XRN1: variants seen among roughly 807,000 people sequenced by gnomAD.
XRN1 encodes strand-exchange protein 1 homolog.
Under a neutral mutation model 222.3 loss-of-function variants are expected in XRN1, and 67 were observed. The ratio of observed to expected loss-of-function variants is 0.30; its 90% CI spans 0.25 to 0.37. The LOEUF (loss-of-function observed/expected upper bound fraction) is 0.37, where lower values mean the gene tolerates loss of function less well. Among genes scored for constraint, XRN1 ranks in the 10% least tolerant of loss-of-function variants. The pLI is 1.00. For missense variants in XRN1, 1,707 were observed against 2,000.2 expected (o/e 0.85, Z 2.80); for synonymous variants, 643 against 652.4 (o/e 0.99, Z 0.22).
At chr3:142,434,602 A>T (rs184297085) in intron 1 of XRN1, among the ~76,000 whole-genome samples, 9 of 151,778 alleles carry the variant, frequency 5.9e-5, no homozygotes, top group Admixed American at 2.0e-4. Context: ...AAGAGTATTA[A>T]AAAGAAGAAT....
chr3:142,366,286 C>T lies in XRN1; in HGVS notation c.3205-920G>A, dbSNP rs190881611. Among the ~76,000 whole-genome samples the T allele has an allele frequency of 1.1e-4, 16 of 152,290 alleles. No homozygotes were observed. The East Asian group carries it at 3.1e-3, about 29-fold the overall frequency. The stretch of plus-strand genomic sequence containing the variant: ...ATATGGCAGTCACCTCTCTTTAGAA[C>T]ATAGCTTATGGGAATATGTACAAAA... On this transcript the variant is annotated intron_variant, in intron 27 of 40. Coordinates refer to ENST00000392981, the MANE Select transcript of XRN1 (RefSeq NM_001282857.2).
At chr3:142,390,650 G>T (rs1213429730) in intron 20 of XRN1, among the ~76,000 whole-genome samples, 1 of 152,156 alleles carries the variant, frequency 6.6e-6, no homozygotes, top group African/African-American at 2.4e-5. Context: ...TAGCAATAAG[G>T]TTGTTTAATT....
At chr3:142,355,871 CCT>C (rs1475195684) in intron 31 of XRN1, among the ~76,000 whole-genome samples, 30 of 152,064 alleles carry the variant, frequency 2.0e-4, no homozygotes, top group Non-Finnish European at 5.9e-5. Context: ...CCTGCCTTAG[CCT>C]CCCAGAGTGT....
At position 142,403,924 on chromosome 3, in the gene XRN1, T is replaced by G; in HGVS notation, c.1949A>C (p.Asp650Ala). The G allele has an allele frequency of 6.2e-7, 1 of 1,612,434 alleles. No homozygotes were observed. The change falls in exon 17 of 41, where the codon GAC becomes GCC. Residue 650 changes from aspartate (D) to alanine (A), a missense_variant. Asp to Ala is a moderately radical substitution (Grantham distance 126). This residue lies in a region of XRN1 where 1,234 missense variants were observed against 1,518.2 expected (regional missense o/e 0.81). Coordinates refer to ENST00000392981, the MANE Select transcript of XRN1 (RefSeq NM_001282857.2). ...DINKNKITRI[D>A]QKALYFCGFP... ...TCCACAGAAATATAATGCTTTCTGGTCAATTCTGGTTATTTTGTTTTTGTT... is the reference window on the plus strand; with the variant it reads ...TCCACAGAAATATAATGCTTTCTGGGCAATTCTGGTTATTTTGTTTTTGTT...
In XRN1 at chr3:142,404,928, G is replaced by T. The variant is rs1193410216; in HGVS notation, c.1862C>A (p.Ala621Asp). The change falls in exon 16 of 41, where the codon GCC becomes GAC. Residue 621 changes from alanine to aspartate, a missense_variant. Ala to Asp is a moderately radical substitution (Grantham distance 126). This residue lies in a region of XRN1 where 1,234 missense variants were observed against 1,518.2 expected (regional missense o/e 0.81). Transcript: ENST00000392981. Reference protein sequence around the residue: ...YPSPWPEKFPAIERCCTRYKI... With the variant: ...YPSPWPEKFPDIERCCTRYKI... ...TTACCTTGTACAACATCGTTCTATGGCAGGGAACTTTTCTGGCCATGGAGA... is the reference window on the plus strand; with the variant it reads ...TTACCTTGTACAACATCGTTCTATGTCAGGGAACTTTTCTGGCCATGGAGA... 2 of 1,613,804 alleles carry T rather than the reference G, an allele frequency of 1.2e-6. No homozygotes were observed.
intron 33 of XRN1, among the ~76,000 whole-genome samples, chr3:142,339,736 G>A (rs1159993604): frequency 6.6e-6 from 1 of 151,966 alleles, no homozygotes; most frequent in African/African-American, 2.4e-5. Flanking sequence ...CCAAGCGGTT[G>A]AGCCTGCAGT....
chr3:142,337,613 A>G (rs1401680012), intron 33 of XRN1, among the ~76,000 whole-genome samples: 2 of 152,222 alleles, frequency 1.3e-5, no homozygotes, highest in Non-Finnish European at 2.9e-5. Context: ...CTGTGCCTGA[A>G]CACAGTAGAC....
chr3:142,317,134 C>A (rs1404198571), intron 39 of XRN1, among the ~76,000 whole-genome samples: 1 of 152,172 alleles, frequency 6.6e-6, no homozygotes, highest in Non-Finnish European at 1.5e-5. Flanking sequence ...CTTAGGACCA[C>A]CTTTTTATCA....
intron 27 of XRN1, 59 bp downstream of exon 27, chr3:142,370,426 A>ATGG: frequency 6.6e-7 from 1 of 1,523,814 alleles, no homozygotes; most frequent in Non-Finnish European, 8.8e-7. Context: ...ATTATTTGTA[A>ATGG]AGTATAGTCC....
chr3:142,312,023 A>C (rs2107842460), intron 40 of XRN1, among the ~76,000 whole-genome samples: 1 of 152,302 alleles, frequency 6.6e-6, no homozygotes, highest in East Asian at 1.9e-4. Context: ...GCAGTGGCTC[A>C]CAACTGTAAT....
chr3:142,378,049 CT>C (rs1163508569), intron 23 of XRN1, among the ~76,000 whole-genome samples: 1 of 151,952 alleles, frequency 6.6e-6, no homozygotes, highest in Non-Finnish European at 1.5e-5. Flanking sequence ...GGATATAAAG[CT>C]TTATATTTTA....
At chr3:142,397,489 C>A (rs773517647) in intron 19 of XRN1, 29 bp from the exon 20 acceptor site, 1 of 1,547,386 alleles carries the variant, frequency 6.5e-7, no homozygotes, top group Admixed American at 2.0e-5. Context: ...AATTATATAA[C>A]CAAAATGTTC....
intron 36 of XRN1, among the ~76,000 whole-genome samples, chr3:142,330,242 T>C (rs148000862): frequency 3.4e-4 from 51 of 152,204 alleles, no homozygotes; most frequent in African/African-American, 1.1e-3. Flanking sequence ...TCCTTAAGTT[T>C]TGAAGTTTTG....
intron 20 of XRN1, 145 bp downstream of exon 20, chr3:142,397,184 C>A (rs1342299516): frequency 1.3e-6 from 1 of 746,968 alleles, no homozygotes; most frequent in Admixed American, 4.0e-5. Context: ...TCATTTTAAA[C>A]TAGAACTCAT....
chr3:142,362,581 C>T (rs1439624516), intron 29 of XRN1, among the ~76,000 whole-genome samples: 3 of 142,460 alleles, frequency 2.1e-5, no homozygotes, highest in Admixed American at 7.0e-5. Context: ...TTTCTTCGTC[C>T]CCCCTACCCC....
chr3:142,405,084 T>A lies in XRN1; in HGVS notation c.1714-8A>T, dbSNP rs941711451. 2 of 1,613,232 alleles carry A rather than the reference T, an allele frequency of 1.2e-6. No homozygotes were observed. Among genetic ancestry groups the A allele is most frequent in the African/African-American group, 2.7e-5 (2 of 75,026 alleles). ...GGCTTCCAATAATCGCTTCTGAATA[T>A]AAGGATTGAAGAGAAGGGTTACAAG... is the stretch of plus-strand genomic sequence containing the variant. On this transcript the variant is annotated splice_region_variant and splice_polypyrimidine_tract_variant and intron_variant, in intron 15 of 40. Transcript: ENST00000392981.
chr3:142,384,413 T>G, intron 21 of XRN1, 110 bp downstream of exon 21: 1 of 795,666 alleles, frequency 1.3e-6, no homozygotes, highest in African/African-American at 1.8e-5. Context: ...ATAATCTCTA[T>G]TATACATTGC....
At chr3:142,366,843 A>G (rs1160638995) in intron 27 of XRN1, among the ~76,000 whole-genome samples, 2 of 152,214 alleles carry the variant, frequency 1.3e-5, no homozygotes, top group African/African-American at 2.4e-5. Context: ...TTATTACACT[A>G]TAGCATTGAT....
chr3:142,413,360 T>C (rs1483003018), intron 14 of XRN1, among the ~76,000 whole-genome samples: 2 of 152,136 alleles, frequency 1.3e-5, no homozygotes, highest in South Asian at 2.1e-4. Context: ...TTAAAGCGTA[T>C]TGTATCCAAA....
Sources: allele counts gnomAD v4.1 joint callset (sites outside exome capture counted in the v4.1 genomes callset), GRCh38; gene constraint gnomAD v4.1.1; regional missense constraint gnomAD v4.1.1; transcripts MANE v1.5; gene names NCBI Gene and HGNC (gene_info 2026-07-23, HGNC 2026-07-21).